SLC8A1: variants seen among roughly 807,000 people sequenced by gnomAD.
SLC8A1 encodes the protein solute carrier family 8 member A1.
In SLC8A1, 18 loss-of-function variants were observed where a neutral mutation model predicts 68.3. That is an observed-to-expected ratio of 0.26 (90% CI 0.18 to 0.39). The LOEUF (loss-of-function observed/expected upper bound fraction) is 0.39. Ranked by LOEUF, SLC8A1 falls within the 10% of genes least tolerant of loss-of-function variation. SLC8A1 has a pLI of 1.00. For missense variants in SLC8A1, 985 were observed against 1,156.7 expected (o/e 0.85, Z 2.15); for synonymous variants, 475 against 415.5 (o/e 1.14, Z -1.74).
chr2:40,395,295 T>A (rs922961186), intron 2 of SLC8A1, among the ~76,000 whole-genome samples: 22 of 152,136 alleles, frequency 1.4e-4, no homozygotes, highest in African/African-American at 5.1e-4. Context: ...CTACATTCTT[T>A]CTAGTATTAG....
intron 2 of SLC8A1, among the ~76,000 whole-genome samples, chr2:40,247,785 G>C (rs559859593): frequency 1.3e-5 from 2 of 152,296 alleles, no homozygotes; most frequent in African/African-American, 2.4e-5. Context: ...TCAAAGGTGA[G>C]ACCCAGTAGA....
chr2:40,237,027 C>G (rs907761755), intron 2 of SLC8A1, among the ~76,000 whole-genome samples: 4 of 94,144 alleles, frequency 4.2e-5, no homozygotes, highest in African/African-American at 1.5e-4. Context: ...TCTGGTTGCC[C>G]TTAACATTTT....
At chr2:40,120,158 T>C (rs1323775099) in intron 7 of SLC8A1, among the ~76,000 whole-genome samples, 2 of 152,234 alleles carry the variant, frequency 1.3e-5, no homozygotes, top group Non-Finnish European at 2.9e-5. Context: ...TAATGTATTA[T>C]CTGGAGCAAG....
intron 2 of SLC8A1, among the ~76,000 whole-genome samples, chr2:40,281,615 G>C (rs747800583): frequency 9.2e-5 from 14 of 152,192 alleles, no homozygotes; most frequent in Non-Finnish European, 1.8e-4. Flanking sequence ...GTCTAATGGA[G>C]AATGAGTTTG....
chr2:40,383,327 G>A (rs956635261), intron 2 of SLC8A1, among the ~76,000 whole-genome samples: 1 of 151,888 alleles, frequency 6.6e-6, no homozygotes, highest in South Asian at 2.1e-4. Flanking sequence ...TCCTTAGTTG[G>A]ACAACAAAAT....
chr2:40,510,521 T>C (rs1706652491), intron 1 of SLC8A1, among the ~76,000 whole-genome samples: 1 of 152,186 alleles, frequency 6.6e-6, no homozygotes, highest in Non-Finnish European at 1.5e-5. Context: ...ATGTCAACCT[T>C]TTACATATTG....
intron 1 of SLC8A1, among the ~76,000 whole-genome samples, chr2:40,494,443 G>A (rs888534355): frequency 9.2e-5 from 14 of 151,694 alleles, no homozygotes; most frequent in Non-Finnish European, 1.8e-4. Flanking sequence ...TTGCTATTGT[G>A]AGTAGTGCCG....
chr2:40,306,458 G>C (rs998049171), intron 2 of SLC8A1, among the ~76,000 whole-genome samples: 2 of 147,302 alleles, frequency 1.4e-5, no homozygotes, highest in Non-Finnish European at 3.0e-5. Context: ...GTTGTGGGGG[G>C]GGGCATAGCG....
intron 2 of SLC8A1, among the ~76,000 whole-genome samples, chr2:40,271,108 T>C (rs1259927201): frequency 6.6e-6 from 1 of 152,094 alleles, no homozygotes; most frequent in Non-Finnish European, 1.5e-5. Context: ...ACAATCACAG[T>C]ATGCCACTCC....
At chr2:40,409,866 C>G (rs1472565725) in intron 2 of SLC8A1, among the ~76,000 whole-genome samples, 2 of 152,066 alleles carry the variant, frequency 1.3e-5, no homozygotes, top group African/African-American at 4.8e-5. Context: ...TACTGTCTGC[C>G]AACCAACCAA....
chr2:40,486,166 A>T (rs1172853011), intron 1 of SLC8A1, among the ~76,000 whole-genome samples: 1 of 152,170 alleles, frequency 6.6e-6, no homozygotes, highest in Non-Finnish European at 1.5e-5. Flanking sequence ...CGCCTTGTGA[A>T]AAAGGTGCCT....
At chr2:40,450,777 C>T (rs1345741500) in intron 1 of SLC8A1, among the ~76,000 whole-genome samples, 1 of 152,190 alleles carries the variant, frequency 6.6e-6, no homozygotes, top group Non-Finnish European at 1.5e-5. Flanking sequence ...GGTTCGGGGG[C>T]TTCAAAAGGA....
At chr2:40,291,799 A>G (rs778456305) in intron 2 of SLC8A1, among the ~76,000 whole-genome samples, 1 of 152,178 alleles carries the variant, frequency 6.6e-6, no homozygotes, top group East Asian at 1.9e-4. Context: ...CATTTTTATC[A>G]TATTTTCATT....
At chr2:40,190,223 T>C (rs2148642915) in intron 2 of SLC8A1, among the ~76,000 whole-genome samples, 1 of 152,330 alleles carries the variant, frequency 6.6e-6, no homozygotes, top group East Asian at 1.9e-4. Context: ...TATTTTCCAC[T>C]CAACTTCAGC....
intron 2 of SLC8A1, among the ~76,000 whole-genome samples, chr2:40,355,599 C>G (rs1186160360): frequency 6.6e-6 from 1 of 152,142 alleles, no homozygotes; most frequent in African/African-American, 2.4e-5. Flanking sequence ...TGAGCCCACA[C>G]TCTTACTGAT....
chr2:40,323,223 A>G (rs908505740), intron 2 of SLC8A1, among the ~76,000 whole-genome samples: 1 of 152,186 alleles, frequency 6.6e-6, no homozygotes, highest in Non-Finnish European at 1.5e-5. Context: ...GGCTGTGAAG[A>G]CTGACATCCA....
At chr2:40,459,808 A>G (rs1703236869) in intron 1 of SLC8A1, among the ~76,000 whole-genome samples, 1 of 152,106 alleles carries the variant, frequency 6.6e-6, no homozygotes, top group African/African-American at 2.4e-5. Context: ...CTATGGGTCC[A>G]TCATACCTCC....
At chr2:40,134,435 G>A (rs1265343719) in intron 7 of SLC8A1, among the ~76,000 whole-genome samples, 3 of 152,000 alleles carry the variant, frequency 2.0e-5, no homozygotes, top group East Asian at 3.9e-4. Flanking sequence ...TGGGTCTTGC[G>A]AGAAGGGATC....
At chr2:40,127,582 A>G (rs2038406546) in intron 7 of SLC8A1, among the ~76,000 whole-genome samples, 1 of 152,204 alleles carries the variant, frequency 6.6e-6, no homozygotes, top group Non-Finnish European at 1.5e-5. Context: ...ATCACAGGCT[A>G]TGATTAATCC....
Sources: gnomAD v4.1 joint callset for allele counts (sites outside exome capture counted in the v4.1 genomes callset) on GRCh38, gnomAD v4.1.1 for gene constraint, MANE v1.5 for transcripts, NCBI Gene and HGNC (gene_info 2026-07-23, HGNC 2026-07-21) for gene names.